SEC24B: variants seen among roughly 807,000 people sequenced by gnomAD.
SEC24B encodes the protein protein transport protein Sec24B.
A neutral mutation model predicts 142.8 loss-of-function variants in SEC24B; 45 were observed. The observed-to-expected ratio is 0.32, with a 90% confidence interval of 0.25 to 0.40. The LOEUF is 0.40. Among genes scored for constraint, SEC24B ranks in the 10% least tolerant of loss-of-function variants. SEC24B has a pLI of 1.00. For missense variants in SEC24B, 1,409 were observed against 1,526.8 expected, an observed-to-expected ratio of 0.92 and a Z score of 1.29; for synonymous variants, 574 against 568.2, an observed-to-expected ratio of 1.01 and a Z score of -0.15.
At chr4:109,505,862 T>A (rs565481905) in intron 6 of SEC24B, among the ~76,000 whole-genome samples, 109 of 152,202 alleles carry the variant, frequency 7.2e-4, no homozygotes, top group Middle Eastern at 3.4e-3. Context: ...GAATAATGAC[T>A]GTAATTCATT....
In SEC24B at chr4:109,539,713, T is replaced by G. The variant is rs1169183074; in HGVS notation, c.*38T>G. 1 of 1,342,542 alleles carries G rather than the reference T, an allele frequency of 7.4e-7. No homozygotes were observed. The allele number at this position is 1,342,542 out of a possible 1,614,324, so 83.2% of individuals were successfully genotyped here. The stretch of plus-strand genomic sequence containing the variant: ...TTGAATAAGAAAAAGATCTATAACC[T>G]AGGTAAAGCATAATCTGTCAGAGAA... On this transcript the variant is annotated 3_prime_UTR_variant, in exon 24 of 24. Transcript: ENST00000265175.
At chr4:109,515,105 A>T (rs1737786067) in intron 10 of SEC24B, among the ~76,000 whole-genome samples, 1 of 151,518 alleles carries the variant, frequency 6.6e-6, no homozygotes, top group Admixed American at 6.6e-5. Flanking sequence ...TTATTTATTT[A>T]TTTATTTATT....
intron 23 of SEC24B, among the ~76,000 whole-genome samples, chr4:109,539,342 A>G (rs146689089): frequency 0.015 from 2,237 of 152,150 alleles, 18 homozygotes; most frequent in Non-Finnish European, 0.022. Context: ...TTCTGGGCTC[A>G]AGCAGTCCTC....
At chr4:109,480,584 G>A (rs1199546378) in intron 3 of SEC24B, among the ~76,000 whole-genome samples, 2 of 152,220 alleles carry the variant, frequency 1.3e-5, no homozygotes, top group Non-Finnish European at 1.5e-5. Context: ...CAGCAGAGGC[G>A]ATTCTCCTGC....
chr4:109,450,922 C>T lies in SEC24B; in HGVS notation c.134-11979C>T, dbSNP rs187666818. The T allele has an allele frequency of 2.0e-5, 3 of 152,108 alleles. No individual in the cohort carries two copies. In the East Asian group the frequency reaches 5.8e-4, roughly 29 times the overall value. The allele number at this position is 152,108 out of a possible 1,614,324, so 9.4% of individuals were successfully genotyped here. ...TTAGGTAACCTGGTGGTCCCCTGCTCCTGGAAGGTCACCATATTGATGTCA... is the reference window on the plus strand; with the variant it reads ...TTAGGTAACCTGGTGGTCCCCTGCTTCTGGAAGGTCACCATATTGATGTCA... On this transcript the variant is annotated intron_variant, in intron 1 of 23. Coordinates refer to ENST00000265175, the MANE Select transcript of SEC24B (RefSeq NM_006323.5).
chr4:109,491,241 A>G, intron 4 of SEC24B, 86 bp from the exon 5 acceptor site: 2 of 1,048,540 alleles, frequency 1.9e-6, no homozygotes, highest in Non-Finnish European at 2.9e-6. Context: ...CTAGTTCCGC[A>G]AAAACATCTT....
chr4:109,530,280 G>A lies in SEC24B; in HGVS notation c.3077-9G>A. 4 of 1,604,896 alleles carry A rather than the reference G, an allele frequency of 2.5e-6. No individual in the cohort carries two copies. The highest frequency in any genetic ancestry group is 1.1e-5 in the South Asian group (1 of 90,204). On this transcript the variant is annotated splice_polypyrimidine_tract_variant and intron_variant, in intron 18 of 23. Coordinates refer to ENST00000265175, the MANE Select transcript of SEC24B (RefSeq NM_006323.5). ...GGTTAAAATACCTTTCACTTTGGTT[G>A]CTTTTTAGCTGTGGATCGGTCCGTT...
At position 109,463,517 on chromosome 4, in the gene SEC24B, G is replaced by T; in HGVS notation, c.750G>T (p.Gln250His). 1.2e-6 allele frequency: 2 copies of T among 1,614,094 alleles called. No individual in the cohort carries two copies. The highest frequency in any genetic ancestry group is 1.7e-6 in the Non-Finnish European group (2 of 1,180,030). The part of the protein sequence containing the change: ...LPPLPSQQHH[Q>H]QQSLSGYSTL... ...CTCTACCATCACAACAGCACCACCA[G>T]CAGCAAAGTCTTTCAGGATACAGTA... is the stretch of plus-strand genomic sequence containing the variant. The change falls in exon 2 of 24, where the codon CAG becomes CAT. Residue 250 changes from glutamine to histidine, a missense_variant. Gln to His is a conservative substitution (Grantham distance 24, BLOSUM62 0). Coordinates refer to ENST00000265175, the MANE Select transcript of SEC24B (RefSeq NM_006323.5).
At chr4:109,534,027 T>G (rs899751708) in intron 22 of SEC24B, among the ~76,000 whole-genome samples, 1 of 152,054 alleles carries the variant, frequency 6.6e-6, no homozygotes, top group Non-Finnish European at 1.5e-5. Flanking sequence ...TCATTGATGT[T>G]GTAGCTTATA....
intron 2 of SEC24B, among the ~76,000 whole-genome samples, chr4:109,471,104 TATCA>T (rs1052382786): frequency 1.3e-5 from 2 of 152,014 alleles, no homozygotes; most frequent in African/African-American, 4.8e-5. Flanking sequence ...CATACATGTG[TATCA>T]ATACATACAT....
chr4:109,536,480 A>G (rs1725550935), intron 22 of SEC24B, among the ~76,000 whole-genome samples: 1 of 152,230 alleles, frequency 6.6e-6, no homozygotes, highest in Non-Finnish European at 1.5e-5. Flanking sequence ...ATTTAAATGT[A>G]AAAAAGGAAA....
chr4:109,480,847 C>T lies in SEC24B; in HGVS notation c.1061-830C>T, dbSNP rs557767033. The stretch of plus-strand genomic sequence containing the variant: ...GGTATATATGTTAATTTTTAAAGTC[C>T]TCATTCTATCAGATCAAATAATAGA... On this transcript the variant is annotated intron_variant, in intron 3 of 23. Transcript: ENST00000265175. Among the ~76,000 whole-genome samples the T allele has an allele frequency of 5.9e-5, 9 of 152,232 alleles. No individual in the cohort carries two copies. The South Asian group carries it at 1.7e-3, about 28-fold the overall frequency.
Position 109,433,890 on chromosome 4 carries a change from C to G in SEC24B, c.21C>G (p.Ser7=), listed in dbSNP as rs1228941969. ...CCGTCATGTCGGCCCCCGCCGGGTCCTCTCACCCGGCCGCCAGCGCCCGGA... is the reference window on the plus strand; with the variant it reads ...CCGTCATGTCGGCCCCCGCCGGGTCGTCTCACCCGGCCGCCAGCGCCCGGA... MSAPAG[S]SHPAASARIP... Residue 7 remains serine (S), a synonymous_variant, in exon 1 of 24, where the codon TCC becomes TCG. Coordinates refer to ENST00000265175, the MANE Select transcript of SEC24B (RefSeq NM_006323.5). 8.2e-6 allele frequency: 11 copies of G among 1,343,476 alleles called. No individual in the cohort carries two copies. Among genetic ancestry groups the G allele is most frequent in the African/African-American group, 1.5e-5 (1 of 65,722 alleles). The allele number at this position is 1,343,476 out of a possible 1,614,324, so 83.2% of individuals were successfully genotyped here. A position where few individuals can be genotyped will look rare whatever the true frequency, so the allele number is the denominator to read the frequency against.
intron 19 of SEC24B, among the ~76,000 whole-genome samples, chr4:109,531,150 A>G (rs1724889846): frequency 6.6e-6 from 1 of 152,192 alleles, no homozygotes; most frequent in African/African-American, 2.4e-5. Flanking sequence ...AATCCTTTCA[A>G]CAACCTAAAG....
chr4:109,533,704 C>A lies in SEC24B; in HGVS notation c.3588+19C>A. 2.2e-6 allele frequency: 3 copies of A among 1,384,876 alleles called. No homozygotes were observed. Among genetic ancestry groups the A allele is most frequent in the Middle Eastern group, 1.8e-4 (1 of 5,668 alleles). The allele number at this position is 1,384,876 out of a possible 1,614,324, so 85.8% of individuals were successfully genotyped here. ...GAAAATGGTCAGTAGATTTTATACA[C>A]CTTTAACTTTTTGTTTGCTCATTTT... is the stretch of plus-strand genomic sequence containing the variant. On this transcript the variant is annotated intron_variant, in intron 22 of 23. Transcript: ENST00000265175.
intron 1 of SEC24B, chr4:109,449,365 A>G: frequency 2.8e-6 from 1 of 360,332 alleles, no homozygotes; most frequent in South Asian, 2.1e-5. Context: ...CTGGGACTAC[A>G]GGCACGTGCC....
chr4:109,439,875 C>A (rs1210882941), intron 1 of SEC24B, among the ~76,000 whole-genome samples: 2 of 151,304 alleles, frequency 1.3e-5, no homozygotes, highest in East Asian at 4.0e-4. Flanking sequence ...AATCCAAGCA[C>A]TTTGGGAGGC....
intron 4 of SEC24B, among the ~76,000 whole-genome samples, chr4:109,483,058 A>ATATATATATGTATTTATTTATGTATTTT (rs1554001240): frequency 3.6e-5 from 5 of 137,274 alleles, no homozygotes; most frequent in South Asian, 2.2e-4. Context: ...TTATGTATTT[A>ATATATATATGTATTTATTTATGTATTTT]TATATATATA....
chr4:109,508,787 G>A (rs1736996773), intron 7 of SEC24B, among the ~76,000 whole-genome samples: 1 of 152,080 alleles, frequency 6.6e-6, no homozygotes, highest in Non-Finnish European at 1.5e-5. Context: ...TCTCAGTTTT[G>A]TCAACTGTAA....
Sources: allele counts gnomAD v4.1 joint callset (sites outside exome capture counted in the v4.1 genomes callset), GRCh38; gene constraint gnomAD v4.1.1; transcripts MANE v1.5; gene names NCBI Gene and HGNC (gene_info 2026-07-23, HGNC 2026-07-21).